LPIN1: variants seen among roughly 807,000 people sequenced by gnomAD.
LPIN1 encodes the protein phosphatidate phosphatase LPIN1.
Under a neutral mutation model 107.5 loss-of-function variants are expected in LPIN1, and 71 were observed. The ratio of observed to expected loss-of-function variants is 0.66; its 90% CI spans 0.55 to 0.80. The LOEUF (loss-of-function observed/expected upper bound fraction) is 0.80, where lower values mean the gene tolerates loss of function less well. Ranked by LOEUF, LPIN1 falls within the 30% of genes least tolerant of loss-of-function variation. LPIN1 has a pLI of 0.00. For synonymous variants in LPIN1, 445 were observed against 452.6 expected (o/e 0.98, Z 0.21); for missense variants, 1,043 against 1,160.6 (o/e 0.90, Z 1.47).
At position 11,827,255 on chromosome 2, in the gene LPIN1, G is replaced by A. The variant is rs1321683555; in HGVS notation, c.*2464G>A. ...AATTCCCTTTGCAATTTTATGTTTG[G>A]ATCACCACTGTAAGCACACTTTATT... On this transcript the variant is annotated 3_prime_UTR_variant, in exon 21 of 21. Transcript: ENST00000674199. The surrounding 1 kb of genome is among the most constrained non-coding windows in gnomAD (Gnocchi z 4.1). 6.6e-6 allele frequency: 1 copy of A among 152,362 alleles called. No homozygotes were observed. The highest frequency in any genetic ancestry group is 1.9e-4 in the East Asian group (1 of 5,192). The allele number at this position is 152,362 out of a possible 1,614,324, so 9.4% of individuals were successfully genotyped here.
chr2:11,824,611 A>G (rs750578723), intron 20 of LPIN1, 21 bp from the exon 21 acceptor site: 19 of 1,613,902 alleles, frequency 1.2e-5, no homozygotes, highest in Non-Finnish European at 1.7e-6. Flanking sequence ...AGTGCCAGTG[A>G]CAATGTCCCT....
intron 1 of LPIN1, among the ~76,000 whole-genome samples, chr2:11,748,693 C>T (rs873358): frequency 0.27 from 40,630 of 152,054 alleles, 6,356 homozygotes; most frequent in Non-Finnish European, 0.35. Flanking sequence ...ACCTCTCTTC[C>T]GGTTGGCTTT....
intron 1 of LPIN1, among the ~76,000 whole-genome samples, chr2:11,699,862 C>T (rs956386576): frequency 4.6e-5 from 7 of 151,920 alleles, no homozygotes; most frequent in Non-Finnish European, 8.8e-5. Flanking sequence ...GGAGAGGAGC[C>T]GGTTGGCTGG....
chr2:11,825,812 G>T lies in LPIN1; in HGVS notation c.*1021G>T, dbSNP rs564385765. The T allele has an allele frequency of 1.5e-4, 23 of 152,282 alleles. No individual in the cohort carries two copies. The highest frequency in any genetic ancestry group is 3.4e-4 in the Non-Finnish European group (23 of 68,024). The allele number at this position is 152,282 out of a possible 1,614,324, so 9.4% of individuals were successfully genotyped here. A position where few individuals can be genotyped will look rare whatever the true frequency, so the allele number is the denominator to read the frequency against. Reference sequence around the variant, plus strand: ...TTATGTATTGTTTTACTCTGATTAGGTTACTGTGATAGGCATTTATTCATA... The same window carrying T: ...TTATGTATTGTTTTACTCTGATTAGTTTACTGTGATAGGCATTTATTCATA... On this transcript the variant is annotated 3_prime_UTR_variant, in exon 21 of 21. Coordinates refer to ENST00000674199, the MANE Select transcript of LPIN1 (RefSeq NM_001349206.2). The surrounding 1 kb of genome is among the most constrained non-coding windows in gnomAD (Gnocchi z 4.1).
At chr2:11,761,508 G>C (rs1200355783) in intron 1 of LPIN1, among the ~76,000 whole-genome samples, 3 of 152,208 alleles carry the variant, frequency 2.0e-5, no homozygotes, top group East Asian at 3.9e-4. Flanking sequence ...GGTTGAGAGA[G>C]GAGGTGTATC....
upstream of LPIN1, chr2:11,724,237 C>A: frequency 3.0e-6 from 2 of 668,052 alleles, no homozygotes; most frequent in Non-Finnish European, 3.7e-6. Context: ...ATCTCTTTCT[C>A]TCCTCCTCTG....
At chr2:11,797,523 T>C (rs1676935144) in intron 14 of LPIN1, among the ~76,000 whole-genome samples, 1 of 152,238 alleles carries the variant, frequency 6.6e-6, no homozygotes, top group Non-Finnish European at 1.5e-5. Flanking sequence ...CTTACATTAG[T>C]GTGACCTGGA....
intron 1 of LPIN1, among the ~76,000 whole-genome samples, chr2:11,712,656 G>C (rs1483267684): frequency 6.6e-6 from 1 of 152,184 alleles, no homozygotes; most frequent in Admixed American, 6.5e-5. Context: ...TATGAGGTGG[G>C]GTGCAGGGCC....
At chr2:11,755,066 C>T (rs1244406083) in intron 1 of LPIN1, among the ~76,000 whole-genome samples, 3 of 151,474 alleles carry the variant, frequency 2.0e-5, no homozygotes, top group South Asian at 2.1e-4. Context: ...CCCGGGTTCA[C>T]GCCATTCTCC....
intron 18 of LPIN1, chr2:11,817,924 T>G (rs1310642041): frequency 2.9e-5 from 3 of 103,304 alleles, no homozygotes; most frequent in African/African-American, 1.2e-4. Flanking sequence ...CCAGCAAGAC[T>G]CTGTCTCAAA....
chr2:11,745,252 C>G (rs1666779913), upstream of LPIN1: 1 of 152,322 alleles, frequency 6.6e-6, no homozygotes, highest in Non-Finnish European at 1.5e-5. Context: ...TGAAGTCCTT[C>G]CGCTTCTTGC....
intron 11 of LPIN1, among the ~76,000 whole-genome samples, chr2:11,787,403 T>C (rs1035375994): frequency 7.7e-5 from 11 of 142,120 alleles, no homozygotes; most frequent in Admixed American, 6.2e-4. Flanking sequence ...TTTTTCTTTT[T>C]TTTTTTTTTT....
Position 11,805,060 on chromosome 2 carries a change from C to T in LPIN1, c.2163-10C>T, listed in dbSNP as rs189673725. ...TTTTACTTTATTTTTCTCTTTTCCT[C>T]TTCATTTAGATCAGATACTCTTGGC... On this transcript the variant is annotated splice_polypyrimidine_tract_variant and intron_variant, in intron 16 of 20. Transcript: ENST00000674199. 3.4e-4 allele frequency: 540 copies of T among 1,565,994 alleles called. No individual in the cohort carries two copies. Among genetic ancestry groups the T allele is most frequent in the Non-Finnish European group, 4.4e-4 (500 of 1,137,920 alleles).
chr2:11,713,457 G>T lies in LPIN1; in HGVS notation c.82-299G>T, dbSNP rs13398067. Among the ~76,000 whole-genome samples the T allele has an allele frequency of 0.15, 23,347 of 152,172 alleles. 1,989 individuals carry two copies. The highest frequency in any genetic ancestry group is 0.3 in the East Asian group (1,546 of 5,174). On this transcript the variant is annotated intron_variant, in intron 1 of 21. Transcript: ENST00000449576. ...AGCTAATTTTTGTATTTTTAGTAGA[G>T]ACAGGGTTTTGCCATGTTGGCCAGG...
At chr2:11,811,713 G>A (rs774145659) in intron 17 of LPIN1, among the ~76,000 whole-genome samples, 9 of 152,220 alleles carry the variant, frequency 5.9e-5, no homozygotes, top group Non-Finnish European at 1.0e-4. Flanking sequence ...TTGGCTGGGC[G>A]CAGAGGCTCA....
rs931834903 is a variant in LPIN1 at position 11,724,990 on chromosome 2, C to T, written c.-72+451C>T. Among the ~76,000 whole-genome samples, 20 of 152,134 alleles carry T rather than the reference C, an allele frequency of 1.3e-4. 1 individual carries two copies. Among genetic ancestry groups the T allele is most frequent in the South Asian group, 1.0e-3 (5 of 4,826 alleles). ...AACATGGGGAATGCGTGGCCGGGCGCGGTGGCTCACACCTGTAACCCAGCA... is the reference window on the plus strand; with the variant it reads ...AACATGGGGAATGCGTGGCCGGGCGTGGTGGCTCACACCTGTAACCCAGCA... On this transcript the variant is annotated intron_variant, in intron 1 of 21. Coordinates refer to the LPIN1 transcript ENST00000396097.
At chr2:11,722,740 A>G (rs906617768), upstream of LPIN1, among the ~76,000 whole-genome samples, 1 of 152,174 alleles carries the variant, frequency 6.6e-6, no homozygotes, top group African/African-American at 2.4e-5. Flanking sequence ...GAGGATGAGA[A>G]TCATGATTTC....
chr2:11,736,661 G>T (rs1252417939), intron 1 of LPIN1, among the ~76,000 whole-genome samples: 1 of 152,194 alleles, frequency 6.6e-6, no homozygotes, highest in Non-Finnish European at 1.5e-5. Context: ...GATTCATCCG[G>T]TATACACTGC....
rs77255387 is a variant in LPIN1, at chr2:11,735,382, G to T, written c.-71-5967G>T. Among the ~76,000 whole-genome samples the T allele has an allele frequency of 7.4e-3, 1,119 of 152,086 alleles. 16 individuals carry two copies. Among genetic ancestry groups the T allele is most frequent in the African/African-American group, 0.026 (1,085 of 41,474 alleles). On this transcript the variant is annotated intron_variant, in intron 1 of 21. Transcript: ENST00000396097. ...TTTGATGCTCCTTTTAGGTGTATGTGGTTTTGTTAAGTATTATATTAATGT... is the reference window on the plus strand; with the variant it reads ...TTTGATGCTCCTTTTAGGTGTATGTTGTTTTGTTAAGTATTATATTAATGT...
Sources: gnomAD v4.1 joint callset for allele counts (sites outside exome capture counted in the v4.1 genomes callset) on GRCh38, gnomAD v4.1.1 for gene constraint, Gnocchi (gnomAD v3.1) non-coding constraint, MANE v1.5 for transcripts, NCBI Gene and HGNC (gene_info 2026-07-23, HGNC 2026-07-21) for gene names.